The following ELF2 variants were observed in gnomAD, a reference collection of about 807,000 sequenced individuals.
The protein encoded by ELF2 is ETS-related transcription factor Elf-2.
ELF2 carries 11 observed loss-of-function variants against 54.8 expected under a neutral mutation model. That is an observed-to-expected ratio of 0.20 (90% CI 0.13 to 0.33). ELF2 has a LOEUF of 0.33. ELF2 is among the 10% of genes least tolerant of loss of function. The probability of loss-of-function intolerance (pLI) is 1.00; values close to 1 mark genes in which losing one functional copy is unlikely to be tolerated. For synonymous variants in ELF2, 203 were observed against 245.1 expected (o/e 0.83, Z 1.61); for missense variants, 513 against 703.0 (o/e 0.73, Z 3.06).
At position 139,059,600 on chromosome 4, in the gene ELF2, G is replaced by C; in HGVS notation, c.1165C>G (p.Arg389Gly). 1.2e-6 allele frequency: 2 copies of C among 1,610,240 alleles called. No homozygotes were observed. The highest frequency in any genetic ancestry group is 2.2e-5 in the East Asian group (1 of 44,870). Residue 389 changes from arginine to glycine, a missense_variant, in exon 10 of 10, where the codon CGT becomes GGT. Coordinates refer to ENST00000686138, the MANE Select transcript of ELF2 (RefSeq NM_001331036.3). ...ACAACAGGTACCTGCATTGCCACAC[G>C]AACTGTCCTAGTACATTAGAAAGAA... is the stretch of plus-strand genomic sequence containing the variant. The part of the protein sequence containing the change: ...VSATAAPRTV[R>G]VAMQVPVVMT...
chr4:139,098,969 C>G (rs1364637234), intron 4 of ELF2, among the ~76,000 whole-genome samples: 1 of 151,998 alleles, frequency 6.6e-6, no homozygotes, highest in Admixed American at 6.6e-5. Flanking sequence ...TTTTATTCTC[C>G]TTTGTTGCCT....
intron 4 of ELF2, among the ~76,000 whole-genome samples, chr4:139,095,728 G>A (rs142168959): frequency 0.014 from 2,062 of 152,028 alleles, 21 homozygotes; most frequent in Middle Eastern, 0.037. Context: ...GATTTCATTT[G>A]CTATTCTTTA....
At chr4:139,123,646 T>A (rs573761321) in intron 4 of ELF2, among the ~76,000 whole-genome samples, 1 of 152,286 alleles carries the variant, frequency 6.6e-6, no homozygotes, top group South Asian at 2.1e-4. Flanking sequence ...GGTGCTATAG[T>A]TTTTATCTTT....
chr4:139,175,495 T>C lies in ELF2; in HGVS notation c.-252+1472A>G, dbSNP rs1742810705. Among the ~76,000 whole-genome samples the C allele has an allele frequency of 2.0e-5, 3 of 152,372 alleles. No individual in the cohort carries two copies. In the South Asian group the frequency reaches 6.2e-4, roughly 32 times the overall value. On this transcript the variant is annotated intron_variant, in intron 1 of 9. Transcript: ENST00000686138. The stretch of plus-strand genomic sequence containing the variant: ...TAAACTGTAATGCTCTATAAAAAGT[T>C]TTATTATTCCTAAATTCCCTTAAAT...
At chr4:139,075,699 G>A (rs1047944024) in intron 4 of ELF2, among the ~76,000 whole-genome samples, 3 of 152,132 alleles carry the variant, frequency 2.0e-5, no homozygotes, top group Non-Finnish European at 4.4e-5. Flanking sequence ...AAAGTGCTGG[G>A]ATTACAGGCA....
chr4:139,167,826 A>C (rs966827747), intron 1 of ELF2, among the ~76,000 whole-genome samples: 1 of 152,230 alleles, frequency 6.6e-6, no homozygotes, highest in African/African-American at 2.4e-5. Context: ...TCAAACTGCA[A>C]ACCAGGATGA....
At chr4:139,151,110 A>T (rs1221758122) in intron 1 of ELF2, among the ~76,000 whole-genome samples, 1 of 151,506 alleles carries the variant, frequency 6.6e-6, no homozygotes, top group Non-Finnish European at 1.5e-5. Context: ...GAGCTATTTA[A>T]TAAATTGTGC....
intron 1 of ELF2, among the ~76,000 whole-genome samples, chr4:139,171,220 C>T (rs893629374): frequency 3.3e-5 from 5 of 152,046 alleles, no homozygotes; most frequent in Admixed American, 2.0e-4. Flanking sequence ...AGACCCCCAT[C>T]GCTACAAAAA....
In ELF2 at chr4:139,057,664, GAAC is replaced by G. The variant is rs1727228788; in HGVS notation, c.*1316_*1318del. 2 of 152,174 alleles carry G rather than the reference GAAC, an allele frequency of 1.3e-5. No homozygotes were observed. Among genetic ancestry groups the G allele is most frequent in the Admixed American group, 6.5e-5 (1 of 15,274 alleles). The allele number at this position is 152,174 out of a possible 1,614,324, so 9.4% of individuals were successfully genotyped here. A position where few individuals can be genotyped will look rare whatever the true frequency, so the allele number is the denominator to read the frequency against. On this transcript the variant is annotated 3_prime_UTR_variant, in exon 10 of 10. Transcript: ENST00000686138. ...AATACTAAATTCATTACGTTAAGCA[GAAC>G]ATTATAGTTCATCATAATTAGAAAG...
intron 1 of ELF2, among the ~76,000 whole-genome samples, chr4:139,161,834 A>G (rs573980031): frequency 1.3e-5 from 2 of 151,908 alleles, no homozygotes; most frequent in African/African-American, 4.8e-5. Context: ...GGCCAGGCGC[A>G]GTGTAATCCC....
chr4:139,101,931 A>G (rs17322301), intron 4 of ELF2: 1 of 152,052 alleles, frequency 6.6e-6, no homozygotes, highest in Non-Finnish European at 1.5e-5. Context: ...AAAAAAGCTT[A>G]ATGTTGTAAA....
chr4:139,172,038 G>A (rs1039492520), intron 1 of ELF2, among the ~76,000 whole-genome samples: 4 of 152,312 alleles, frequency 2.6e-5, no homozygotes, highest in East Asian at 1.9e-4. Context: ...AATATAAGAC[G>A]TTATGGCCAC....
chr4:139,157,749 C>T (rs1740691915), intron 1 of ELF2, among the ~76,000 whole-genome samples: 1 of 152,160 alleles, frequency 6.6e-6, no homozygotes, highest in African/African-American at 2.4e-5. Flanking sequence ...CGTTTTGACA[C>T]TTCTAGAAAT....
In ELF2 at chr4:139,165,311, G is replaced by A. The variant is rs188884229; in HGVS notation, c.-252+11656C>T. On this transcript the variant is annotated intron_variant, in intron 1 of 9. Transcript: ENST00000686138. ...TCACAATGACCTATGATTCTGTTTTGATCAGGTGTTTTAAACCTTTTGACA... is the reference window on the plus strand; with the variant it reads ...TCACAATGACCTATGATTCTGTTTTAATCAGGTGTTTTAAACCTTTTGACA... Among the ~76,000 whole-genome samples, 27 of 152,276 alleles carry A rather than the reference G, an allele frequency of 1.8e-4. No individual in the cohort carries two copies. In the East Asian group the frequency reaches 4.6e-3, roughly 26 times the overall value.
chr4:139,157,641 C>A (rs1480061661), intron 1 of ELF2, among the ~76,000 whole-genome samples: 1 of 152,126 alleles, frequency 6.6e-6, no homozygotes, highest in Non-Finnish European at 1.5e-5. Flanking sequence ...TGGCTTCAAG[C>A]AATCCTCCCA....
At chr4:139,158,615 T>C (rs1740787874) in intron 1 of ELF2, among the ~76,000 whole-genome samples, 1 of 152,108 alleles carries the variant, frequency 6.6e-6, no homozygotes, top group Admixed American at 6.6e-5. Flanking sequence ...TATAGAATGA[T>C]TGGTGATGGA....
chr4:139,096,625 C>CT (rs551057884), intron 4 of ELF2, among the ~76,000 whole-genome samples: 21,531 of 126,928 alleles, frequency 0.17, 1,905 homozygotes, highest in Middle Eastern at 0.28. Flanking sequence ...CCATACCAAG[C>CT]TTTTTTTTTT....
chr4:139,168,754 G>C (rs1693548254), intron 1 of ELF2, among the ~76,000 whole-genome samples: 1 of 152,000 alleles, frequency 6.6e-6, no homozygotes, highest in Non-Finnish European at 1.5e-5. Flanking sequence ...TTTTTTTAGA[G>C]ACAGGGTCTC....
At position 139,151,034 on chromosome 4, in the gene ELF2, A is replaced by G. The variant is rs1436601490; in HGVS notation, c.-251-11537T>C. Among the ~76,000 whole-genome samples the G allele has an allele frequency of 1.4e-3, 59 of 42,532 alleles. 2 individuals are homozygous for G. The highest frequency in any genetic ancestry group is 3.2e-3 in the African/African-American group (58 of 18,256). The allele number at this position is 42,532 out of a possible 152,430, so 27.9% of individuals were successfully genotyped here. A position where few individuals can be genotyped will look rare whatever the true frequency, so the allele number is the denominator to read the frequency against. On this transcript the variant is annotated intron_variant, in intron 1 of 9. Coordinates refer to ENST00000686138, the MANE Select transcript of ELF2 (RefSeq NM_001331036.3). ...ACGAGGCTCCATCTCAAAAAAAAAA[A>G]AGAAAGAAAGAAAGAAAGAAAGAAA... is the stretch of plus-strand genomic sequence containing the variant.
Sources: allele counts gnomAD v4.1 joint callset (sites outside exome capture counted in the v4.1 genomes callset), GRCh38; gene constraint gnomAD v4.1.1; transcripts MANE v1.5; gene names NCBI Gene and HGNC (gene_info 2026-07-23, HGNC 2026-07-21).